Variants in ENTREP2 observed in about 807,000 individuals in gnomAD.
ENTREP2 encodes endosomal transmembrane epsin interactor 2.
the ENTREP2 span, chr15:29,381,805 G>C: frequency 1.3e-6 from 2 of 1,551,572 alleles, no homozygotes; most frequent in Admixed American, 2.0e-5. Context: ...TCCAGGAGAC[G>C]ACACCTATGA....
At chr15:29,656,288 C>A in the ENTREP2 span, among the ~76,000 whole-genome samples, 2 of 151,434 alleles carry the variant, frequency 1.3e-5, no homozygotes, top group African/African-American at 2.4e-5. Context: ...TGCAGTAGCA[C>A]GATTTCAGCT....
chr15:29,123,777 G>A, the ENTREP2 span: 43 of 978,262 alleles, frequency 4.4e-5, no homozygotes, highest in South Asian at 3.6e-4. Context: ...TGGGGCTGGC[G>A]CTCTGGGCAT....
the ENTREP2 span, among the ~76,000 whole-genome samples, chr15:29,469,516 A>G: frequency 1.3e-5 from 2 of 152,132 alleles, no homozygotes; most frequent in Admixed American, 6.5e-5. Context: ...CTGCACTTCT[A>G]TGCAGTACCT....
chr15:29,585,855 C>CA, the ENTREP2 span, among the ~76,000 whole-genome samples: 4,460 of 110,330 alleles, frequency 0.04, 113 homozygotes, highest in Middle Eastern at 0.054. Context: ...GACTCTGTCT[C>CA]AAAAAAAAAA....
chr15:29,650,869 A>G, the ENTREP2 span, among the ~76,000 whole-genome samples: 34 of 152,236 alleles, frequency 2.2e-4, no homozygotes, highest in South Asian at 4.4e-3. Context: ...AGTACAATAC[A>G]TTAGCCAGGG....
the ENTREP2 span, among the ~76,000 whole-genome samples, chr15:29,593,724 G>A: frequency 6.6e-6 from 1 of 152,204 alleles, no homozygotes; most frequent in Non-Finnish European, 1.5e-5. Context: ...GTCACTCTGT[G>A]CATGTCAATT....
the ENTREP2 span, among the ~76,000 whole-genome samples, chr15:29,661,149 T>C: frequency 2.6e-5 from 4 of 152,288 alleles, no homozygotes; most frequent in East Asian, 7.7e-4. Flanking sequence ...AAATTAAAGG[T>C]TCATTTGAAA....
the ENTREP2 span, among the ~76,000 whole-genome samples, chr15:29,615,947 G>A: frequency 1.2e-4 from 18 of 152,170 alleles, no homozygotes; most frequent in African/African-American, 4.1e-4. Flanking sequence ...CTGAGAGAGG[G>A]CCCTCATGCA....
chr15:29,235,176 G>C, the ENTREP2 span: 9 of 701,294 alleles, frequency 1.3e-5, no homozygotes, highest in Non-Finnish European at 2.3e-5. Context: ...GACCCTACCT[G>C]AATCTTTTCA....
chr15:29,301,932 T>C, the ENTREP2 span, among the ~76,000 whole-genome samples: 2 of 152,320 alleles, frequency 1.3e-5, no homozygotes, highest in East Asian at 3.9e-4. Flanking sequence ...ATGTTGGACT[T>C]CTAACCCTCC....
At chr15:29,166,425 A>C in the ENTREP2 span, among the ~76,000 whole-genome samples, 1 of 152,178 alleles carries the variant, frequency 6.6e-6, no homozygotes, top group Non-Finnish European at 1.5e-5. Flanking sequence ...GAAAACCCTG[A>C]AGACTCCTCC....
chr15:29,497,919 C>G, the ENTREP2 span, among the ~76,000 whole-genome samples: 171 of 152,212 alleles, frequency 1.1e-3, no homozygotes, highest in African/African-American at 3.8e-3. Flanking sequence ...TCACTATAAA[C>G]TTTCCTCTTA....
At chr15:29,358,634 A>G in the ENTREP2 span, among the ~76,000 whole-genome samples, 1 of 152,194 alleles carries the variant, frequency 6.6e-6, no homozygotes, top group African/African-American at 2.4e-5. Context: ...AATTTAAAAC[A>G]GAAAAGATGA....
the ENTREP2 span, among the ~76,000 whole-genome samples, chr15:29,261,059 T>C: frequency 6.6e-6 from 1 of 152,274 alleles, no homozygotes; most frequent in South Asian, 2.1e-4. Flanking sequence ...TATATAATAT[T>C]TGAACAACAC....
the ENTREP2 span, among the ~76,000 whole-genome samples, chr15:29,510,169 T>C: frequency 6.6e-6 from 1 of 152,162 alleles, no homozygotes; most frequent in Admixed American, 6.5e-5. Flanking sequence ...CACTGGTCAT[T>C]AGAGAAATGC....
the ENTREP2 span, among the ~76,000 whole-genome samples, chr15:29,447,572 C>T: frequency 6.6e-5 from 10 of 152,112 alleles, no homozygotes; most frequent in Non-Finnish European, 1.3e-4. Context: ...TTAAGCCATC[C>T]TCCCACCTCA....
chr15:29,308,459 G>C, the ENTREP2 span, among the ~76,000 whole-genome samples: 1 of 152,210 alleles, frequency 6.6e-6, no homozygotes, highest in African/African-American at 2.4e-5. Flanking sequence ...GCAAAGCAGA[G>C]ACTCGGCACA....
the ENTREP2 span, among the ~76,000 whole-genome samples, chr15:29,275,056 T>C: frequency 4.9e-3 from 741 of 152,320 alleles, 18 homozygotes; most frequent in Admixed American, 0.036. Context: ...TTATCTCCTG[T>C]TTTCAGGAAG....
the ENTREP2 span, among the ~76,000 whole-genome samples, chr15:29,444,781 C>T: frequency 6.6e-6 from 1 of 152,110 alleles, no homozygotes; most frequent in African/African-American, 2.4e-5. Flanking sequence ...TTTCATTTTC[C>T]TTTCACAAAT....
Sources: allele counts gnomAD v4.1 joint callset (sites outside exome capture counted in the v4.1 genomes callset), GRCh38; gene constraint gnomAD v4.1.1; transcripts MANE v1.5; gene names NCBI Gene and HGNC (gene_info 2026-07-23, HGNC 2026-07-21).